ITGAE: variants seen among roughly 807,000 people sequenced by gnomAD.
The protein encoded by ITGAE is integrin subunit alpha E.
Under a neutral mutation model 136.5 loss-of-function variants are expected in ITGAE, and 99 were observed. The observed-to-expected ratio is 0.73, with a 90% CI of 0.62 to 0.86. The LOEUF (loss-of-function observed/expected upper bound fraction) is 0.86. Among genes scored for constraint, ITGAE ranks in the 40% least tolerant of loss-of-function variants. The pLI is 0.00. For synonymous variants in ITGAE, 613 were observed against 591.8 expected (o/e 1.04, Z -0.52); for missense variants, 1,447 against 1,515.3 (o/e 0.95, Z 0.75).
rs148544975 is a variant in ITGAE at position 3,780,464 on chromosome 17, A to C, written c.35-2804T>G. On this transcript the variant is annotated intron_variant, in intron 1 of 30. Coordinates refer to ENST00000263087, the MANE Select transcript of ITGAE (RefSeq NM_002208.5). ...AGGCGTGAGCCACCGCGCCTGGCCT[A>C]ATTTTGTATTTTTAGTAGAGATGGG... Among the ~76,000 whole-genome samples the C allele has an allele frequency of 5.8e-3, 878 of 151,446 alleles. 6 individuals carry two copies. Among genetic ancestry groups the C allele is most frequent in the African/African-American group, 0.021 (847 of 41,246 alleles).
intron 20 of ITGAE, among the ~76,000 whole-genome samples, chr17:3,737,328 G>A (rs1461439907): frequency 1.3e-5 from 2 of 151,982 alleles, no homozygotes; most frequent in Non-Finnish European, 2.9e-5. Context: ...CAACAGTAGT[G>A]GAGAAGGAAA....
intron 1 of ITGAE, among the ~76,000 whole-genome samples, chr17:3,778,399 C>T (rs932731183): frequency 1.3e-5 from 2 of 152,082 alleles, no homozygotes; most frequent in African/African-American, 2.4e-5. Context: ...CCTGTCTCTA[C>T]GAAAAACGCA....
Position 3,759,271 on chromosome 17 carries a change from C to T in ITGAE, c.866+131G>A. ...GCCTTGAGGTGTCATCCCTCACGTT[C>T]TCTCTCGGCCAGGGAAAGGCTGGAG... On this transcript the variant is annotated intron_variant, in intron 8 of 30. Coordinates refer to ENST00000263087, the MANE Select transcript of ITGAE (RefSeq NM_002208.5). 3.8e-6 allele frequency: 4 copies of T among 1,041,550 alleles called. No homozygotes were observed. The South Asian group carries it at 6.1e-5, about 16-fold the overall frequency. The allele number at this position is 1,041,550 out of a possible 1,614,324, so 64.5% of individuals were successfully genotyped here. A position where few individuals can be genotyped will look rare whatever the true frequency, so the allele number is the denominator to read the frequency against.
intron 1 of ITGAE, among the ~76,000 whole-genome samples, chr17:3,791,145 ACT>A (rs1185090862): frequency 8.3e-6 from 1 of 120,418 alleles, no homozygotes; most frequent in South Asian, 2.8e-4. Context: ...ACAGAGCGAG[ACT>A]CTGTCTCAAA....
At position 3,799,994 on chromosome 17, in the gene ITGAE, C is replaced by A. The variant is rs1026401175; in HGVS notation, c.34+1117G>T. Among the ~76,000 whole-genome samples the A allele has an allele frequency of 2.0e-5, 3 of 152,290 alleles. No individual in the cohort carries two copies. The highest frequency in any genetic ancestry group is 2.1e-4 in the South Asian group (1 of 4,824). ...ATTAGCCAGGCGTGGTGGCAGGCGC[C>A]TGTAATCCCAGCTACTCGGGAGGCT... On this transcript the variant is annotated intron_variant, in intron 1 of 30. Coordinates refer to ENST00000263087, the MANE Select transcript of ITGAE (RefSeq NM_002208.5). The surrounding 1 kb of genome is among the most constrained non-coding windows in gnomAD (Gnocchi z 4.1).
chr17:3,754,713 C>G (rs2051958529), intron 12 of ITGAE: 3 of 254,186 alleles, frequency 1.2e-5, no homozygotes, highest in East Asian at 1.3e-4. Flanking sequence ...GTCCCGCCCC[C>G]ATCCGGAAAC....
chr17:3,765,172 AC>A (rs1159212383), intron 2 of ITGAE, among the ~76,000 whole-genome samples: 10 of 151,520 alleles, frequency 6.6e-5, no homozygotes, highest in Admixed American at 2.0e-4. Context: ...ACATGGTGAA[AC>A]CCCGTCTCTA....
intron 26 of ITGAE, chr17:3,726,720 CTT>C (rs111318456): frequency 9.4e-5 from 14 of 148,882 alleles, no homozygotes; most frequent in Non-Finnish European, 1.5e-4. Flanking sequence ...TATAAACCCT[CTT>C]TTTTTTTTTT....
intron 8 of ITGAE, 96 bp from the exon 9 acceptor site, chr17:3,757,955 AGGGT>A: frequency 7.0e-7 from 1 of 1,419,968 alleles, no homozygotes; most frequent in Non-Finnish European, 9.7e-7. Context: ...TAGAATTGGG[AGGGT>A]TCACAATCCT....
intron 22 of ITGAE, among the ~76,000 whole-genome samples, chr17:3,731,922 A>T (rs549096799): frequency 2.0e-4 from 31 of 152,044 alleles, no homozygotes; most frequent in African/African-American, 6.8e-4. Context: ...AAAATATTTT[A>T]AAAATTAGCC....
intron 2 of ITGAE, among the ~76,000 whole-genome samples, chr17:3,773,364 G>A (rs1435639450): frequency 4.6e-5 from 7 of 152,066 alleles, no homozygotes; most frequent in East Asian, 1.9e-4. Context: ...GGTGGCAGGC[G>A]CCTGTAATCT....
At chr17:3,777,804 C>G in intron 1 of ITGAE, 144 bp from the exon 2 acceptor site, 1 of 989,188 alleles carries the variant, frequency 1.0e-6, no homozygotes, top group South Asian at 1.8e-5. Context: ...GAGAGAAAGA[C>G]TAGACGCAGG....
intron 8 of ITGAE, 106 bp downstream of exon 8, chr17:3,759,296 G>A: frequency 7.7e-7 from 1 of 1,296,608 alleles, no homozygotes; most frequent in Non-Finnish European, 1.1e-6. Context: ...AAAGGCTGGA[G>A]CCCTAATTCT....
rs2051254766 is a variant in ITGAE at position 3,728,026 on chromosome 17, C to T, written c.2977G>A (p.Val993Ile). The change falls in exon 26 of 31, where the codon GTA becomes ATA. Residue 993 changes from valine (V) to isoleucine (I), a missense_variant and splice_region_variant. This residue lies in a region of ITGAE where 1,031 missense variants were observed against 1,011.4 expected (regional missense o/e 1.02). Transcript: ENST00000263087. ...LSHHKEFLFH[V>I]HGENLFGAEY... The stretch of plus-strand genomic sequence containing the variant: ...GCTCCAAAGAGGTTCTCCCCATGTA[C>T]CTGCAAATTAAAATCAGAGTAGGAA... 2 of 1,612,762 alleles carry T rather than the reference C, an allele frequency of 1.2e-6. No homozygotes were observed. The highest frequency in any genetic ancestry group is 1.7e-6 in the Non-Finnish European group (2 of 1,178,906).
At chr17:3,719,885 G>A (rs1242032632) in intron 29 of ITGAE, among the ~76,000 whole-genome samples, 1 of 151,990 alleles carries the variant, frequency 6.6e-6, no homozygotes, top group Non-Finnish European at 1.5e-5. Context: ...CCACCATCAT[G>A]TCCGGCTAAT....
intron 2 of ITGAE, among the ~76,000 whole-genome samples, chr17:3,772,998 C>A (rs1473409298): frequency 6.6e-6 from 1 of 152,124 alleles, no homozygotes. Context: ...GAGGTAGCAT[C>A]AGCCCTCACA....
chr17:3,736,099 C>T (rs1014948473), intron 20 of ITGAE, among the ~76,000 whole-genome samples: 2 of 151,856 alleles, frequency 1.3e-5, no homozygotes, highest in African/African-American at 2.4e-5. Context: ...GCTGAGATCA[C>T]GCCACTATAC....
chr17:3,753,928 G>T lies in ITGAE; in HGVS notation c.1385-3C>A. ...GTGCAGCACGGCCACAGCGTAACCT[G>T]GGGCAAGGGTGGTGTGGCTGTGAAC... On this transcript the variant is annotated splice_region_variant and splice_polypyrimidine_tract_variant and intron_variant, in intron 12 of 30. Transcript: ENST00000263087. 1 of 1,613,586 alleles carries T rather than the reference G, an allele frequency of 6.2e-7. No homozygotes were observed.
intron 26 of ITGAE, chr17:3,726,369 C>G (rs1454228721): frequency 6.9e-7 from 1 of 1,454,420 alleles, no homozygotes. Context: ...TGAGAGGAGA[C>G]TGGTCTTGAA....
Sources: allele counts gnomAD v4.1 joint callset (sites outside exome capture counted in the v4.1 genomes callset), GRCh38; gene constraint gnomAD v4.1.1; regional missense constraint gnomAD v4.1.1; non-coding constraint Gnocchi (gnomAD v3.1); transcripts MANE v1.5; gene names NCBI Gene and HGNC (gene_info 2026-07-23, HGNC 2026-07-21).